The following IMMP1L variants were observed in gnomAD, a reference collection of about 807,000 sequenced individuals.
The protein encoded by IMMP1L is inner mitochondrial membrane peptidase subunit 1.
In IMMP1L, 24 loss-of-function variants were observed where a neutral mutation model predicts 21.8. The observed-to-expected ratio is 1.10, with a 90% CI of 0.80 to 1.55. IMMP1L has a LOEUF of 1.55. IMMP1L is among the 40% of genes most tolerant of loss of function. The pLI is 0.00. For missense variants in IMMP1L, 195 were observed against 200.7 expected (o/e 0.97, Z 0.17); for synonymous variants, 46 against 62.8 (o/e 0.73, Z 1.26).
intron 1 of IMMP1L, among the ~76,000 whole-genome samples, chr11:31,497,914 A>G (rs539932845): frequency 6.6e-6 from 1 of 152,280 alleles, no homozygotes; most frequent in East Asian, 1.9e-4. Context: ...AAATTTTTTT[A>G]AAGGGCTCAA....
chr11:31,470,916 A>C (rs575973853), intron 1 of IMMP1L, among the ~76,000 whole-genome samples: 1 of 152,312 alleles, frequency 6.6e-6, no homozygotes, highest in African/African-American at 2.4e-5. Flanking sequence ...ATGAAAGCTA[A>C]AAAAGTTGAT....
intron 1 of IMMP1L, among the ~76,000 whole-genome samples, chr11:31,475,753 G>T (rs1341727541): frequency 6.6e-6 from 1 of 152,124 alleles, no homozygotes; most frequent in Non-Finnish European, 1.5e-5. Context: ...GTATTTTTAT[G>T]AAAAGAATGT....
chr11:31,499,834 C>G (rs1383654960), intron 1 of IMMP1L, among the ~76,000 whole-genome samples: 1 of 151,982 alleles, frequency 6.6e-6, no homozygotes, highest in Non-Finnish European at 1.5e-5. Context: ...ATGCCCACCC[C>G]TAGCCAAGCA....
intron 4 of IMMP1L, among the ~76,000 whole-genome samples, chr11:31,448,451 C>T (rs1463643332): frequency 6.6e-6 from 1 of 152,138 alleles, no homozygotes; most frequent in Admixed American, 6.5e-5. Flanking sequence ...CAATTTTGTT[C>T]TTTAATTTTT....
At chr11:31,470,872 T>C (rs565964480) in intron 1 of IMMP1L, among the ~76,000 whole-genome samples, 58 of 152,300 alleles carry the variant, frequency 3.8e-4, no homozygotes, top group Admixed American at 3.1e-3. Flanking sequence ...AAGCCAGGCA[T>C]AGAAAGACAC....
chr11:31,433,483 T>C lies in IMMP1L; in HGVS notation c.409A>G (p.Ile137Val), dbSNP rs1373363714. The C allele has an allele frequency of 3.8e-6, 6 of 1,596,220 alleles. No individual in the cohort carries two copies. The highest frequency in any genetic ancestry group is 2.3e-5 in the South Asian group (2 of 88,858). The change falls in exon 5 of 6, where the codon ATA (isoleucine) becomes GTA (valine). Residue 137 changes from isoleucine (I) to valine (V), a missense_variant. Transcript: ENST00000532287. ...RCYGPIPYGLIRGRIFFKIWP... is the reference protein window; with the variant it reads ...RCYGPIPYGLVRGRIFFKIWP... ...ACCTTAAAGAAGATTCGTCCTCTTATTAGTCCATATGGAATAGGTCCATAG... is the reference window on the plus strand; with the variant it reads ...ACCTTAAAGAAGATTCGTCCTCTTACTAGTCCATATGGAATAGGTCCATAG...
At chr11:31,484,954 C>G (rs1955024232) in intron 1 of IMMP1L, among the ~76,000 whole-genome samples, 1 of 151,814 alleles carries the variant, frequency 6.6e-6, no homozygotes, top group South Asian at 2.1e-4. Flanking sequence ...CTCAGTAAAT[C>G]AGCATATTAA....
chr11:31,496,287 G>A (rs141828700), intron 1 of IMMP1L, among the ~76,000 whole-genome samples: 1,693 of 152,268 alleles, frequency 0.011, 8 homozygotes, highest in Middle Eastern at 0.037. Flanking sequence ...CACATCATAT[G>A]CATTAGGATG....
At chr11:31,486,133 C>T (rs532237295) in intron 1 of IMMP1L, among the ~76,000 whole-genome samples, 7 of 151,308 alleles carry the variant, frequency 4.6e-5, no homozygotes, top group African/African-American at 1.7e-4. Context: ...AGTTAATAGC[C>T]GAAGGAATAT....
intron 3 of IMMP1L, 34 bp downstream of exon 3, chr11:31,460,592 C>T (rs765035013): frequency 2.3e-6 from 3 of 1,321,682 alleles, no homozygotes; most frequent in South Asian, 1.2e-5. Flanking sequence ...TGTATTTTCA[C>T]TGTAAATTTA....
chr11:31,474,653 C>T (rs996455578), intron 1 of IMMP1L, among the ~76,000 whole-genome samples: 1 of 152,020 alleles, frequency 6.6e-6, no homozygotes, highest in African/African-American at 2.4e-5. Flanking sequence ...CCACTGCACT[C>T]CAGCCTGGGC....
At chr11:31,453,313 G>A (rs1464432332) in intron 4 of IMMP1L, among the ~76,000 whole-genome samples, 2 of 152,174 alleles carry the variant, frequency 1.3e-5, no homozygotes, top group Non-Finnish European at 2.9e-5. Flanking sequence ...AGGTTCCAAT[G>A]AACAATTTTG....
At chr11:31,445,369 G>C (rs925087829) in intron 4 of IMMP1L, among the ~76,000 whole-genome samples, 13 of 152,142 alleles carry the variant, frequency 8.5e-5, no homozygotes, top group African/African-American at 2.7e-4. Context: ...TGCTACAGAT[G>C]AATCTCTGTT....
intron 4 of IMMP1L, among the ~76,000 whole-genome samples, chr11:31,438,866 T>C (rs1454696227): frequency 6.6e-6 from 1 of 152,178 alleles, no homozygotes; most frequent in Non-Finnish European, 1.5e-5. Flanking sequence ...TATAACTATC[T>C]TCACATATTA....
At chr11:31,444,665 C>T (rs1480845382) in intron 4 of IMMP1L, among the ~76,000 whole-genome samples, 2 of 150,932 alleles carry the variant, frequency 1.3e-5, no homozygotes, top group African/African-American at 4.9e-5. Context: ...TCTTGGCTCA[C>T]TGCAACCTCT....
At chr11:31,464,105 T>A (rs932701678) in intron 1 of IMMP1L, among the ~76,000 whole-genome samples, 3 of 152,076 alleles carry the variant, frequency 2.0e-5, no homozygotes, top group South Asian at 4.1e-4. Flanking sequence ...TATACTGTTC[T>A]CAGATCAAAT....
intron 1 of IMMP1L, among the ~76,000 whole-genome samples, chr11:31,503,338 G>A (rs1955682137): frequency 6.6e-6 from 1 of 152,074 alleles, no homozygotes; most frequent in Non-Finnish European, 1.5e-5. Flanking sequence ...AGTATAAGAA[G>A]GCGGAACAAA....
chr11:31,439,811 G>A (rs899824193), intron 4 of IMMP1L, among the ~76,000 whole-genome samples: 2 of 152,106 alleles, frequency 1.3e-5, no homozygotes, highest in Non-Finnish European at 2.9e-5. Flanking sequence ...ACTAAGATTT[G>A]ATTTTTCCAG....
chr11:31,501,143 A>C (rs1374142681), intron 1 of IMMP1L, among the ~76,000 whole-genome samples: 2 of 152,180 alleles, frequency 1.3e-5, no homozygotes, highest in Non-Finnish European at 2.9e-5. Context: ...CCATCAACAT[A>C]GGAGGTTCTA....
Sources: gnomAD v4.1 joint callset for allele counts (sites outside exome capture counted in the v4.1 genomes callset) on GRCh38, gnomAD v4.1.1 for gene constraint, MANE v1.5 for transcripts, NCBI Gene and HGNC (gene_info 2026-07-23, HGNC 2026-07-21) for gene names.